MFHAS1: variants seen among roughly 807,000 people sequenced by gnomAD.
MFHAS1 encodes multifunctional ROCO family signaling regulator 1.
In MFHAS1, 50 loss-of-function variants were observed where a neutral mutation model predicts 70.4. The observed-to-expected ratio is 0.71, with a 90% CI of 0.57 to 0.90. The LOEUF (loss-of-function observed/expected upper bound fraction) is 0.90, where lower values mean the gene tolerates loss of function less well. Among genes scored for constraint, MFHAS1 ranks in the 40% least tolerant of loss-of-function variants. The pLI is 0.00. For missense variants in MFHAS1, 1,795 were observed against 1,347.6 expected (o/e 1.33, Z -5.20); for synonymous variants, 952 against 620.0 (o/e 1.54, Z -7.96).
In MFHAS1 at chr8:8,879,759, C is replaced by G. The variant is rs540796472; in HGVS notation, c.2998+10302G>C. On this transcript the variant is annotated intron_variant, in intron 1 of 2. Coordinates refer to ENST00000276282, the MANE Select transcript of MFHAS1 (RefSeq NM_004225.3). Reference sequence around the variant, plus strand: ...AAGATCCCAACACAGCTCCCCAAGCCCAAGATCAGGTATTTTATTTTCCTA... The same window carrying G: ...AAGATCCCAACACAGCTCCCCAAGCGCAAGATCAGGTATTTTATTTTCCTA... Among the ~76,000 whole-genome samples the G allele has an allele frequency of 5.3e-5, 8 of 152,254 alleles. No individual in the cohort carries two copies. The South Asian group carries it at 1.5e-3, about 28-fold the overall frequency.
chr8:8,811,070 T>C (rs981120201), intron 1 of MFHAS1, among the ~76,000 whole-genome samples: 1 of 151,842 alleles, frequency 6.6e-6, no homozygotes, highest in Admixed American at 6.6e-5. Context: ...GGCAGAAACA[T>C]CTCCCACAGC....
At position 8,890,881 on chromosome 8, in the gene MFHAS1, G is replaced by C. The variant is rs138838670; in HGVS notation, c.2178C>G (p.Val726=). The part of the protein sequence containing the change: ...FEDSPALKEH[V]FHNLTRLIDI... ...CGATGAGGCGGGTGAGGTTGTGGAA[G>C]ACGTGCTCCTTGAGAGCCGGACTGT... The change falls in exon 1 of 3, where the codon GTC becomes GTG. Residue 726 remains valine, a synonymous_variant. Transcript: ENST00000276282. 3.7e-6 allele frequency: 6 copies of C among 1,614,166 alleles called. No individual in the cohort carries two copies. The highest frequency in any genetic ancestry group is 3.3e-5 in the Admixed American group (2 of 60,038).
chr8:8,880,209 G>A (rs1400473394), intron 1 of MFHAS1, among the ~76,000 whole-genome samples: 1 of 152,080 alleles, frequency 6.6e-6, no homozygotes, highest in African/African-American at 2.4e-5. Context: ...CTACTCTTAA[G>A]TTACACCTTG....
intron 1 of MFHAS1, among the ~76,000 whole-genome samples, chr8:8,841,735 A>C (rs1205724535): frequency 1.3e-5 from 2 of 152,184 alleles, no homozygotes; most frequent in Non-Finnish European, 2.9e-5. Context: ...CTGCTCCACG[A>C]AGCCTTCCAG....
intron 1 of MFHAS1, among the ~76,000 whole-genome samples, chr8:8,866,641 G>C (rs754031226): frequency 6.6e-6 from 1 of 152,138 alleles, no homozygotes; most frequent in Non-Finnish European, 1.5e-5. Context: ...CTTATCCCTA[G>C]TAAAAAGGAT....
chr8:8,843,138 G>A (rs1420256569), intron 1 of MFHAS1, among the ~76,000 whole-genome samples: 6 of 151,834 alleles, frequency 4.0e-5, no homozygotes, highest in African/African-American at 7.3e-5. Context: ...GCGCGGTGGC[G>A]GGCGCCTGTA....
rs753552074 is a variant in MFHAS1 at position 8,786,052 on chromosome 8, C to G, written c.3129G>C (p.Lys1043Asn). 3 of 1,614,092 alleles carry G rather than the reference C, an allele frequency of 1.9e-6. No individual in the cohort carries two copies. The highest frequency in any genetic ancestry group is 2.2e-5 in the South Asian group (2 of 91,082). ...GGTTTCTGTGCTTTTCACCAACATT[C>G]TTCCTGTATGGGTGGACAACAAGAA... is the stretch of plus-strand genomic sequence containing the variant. ...TPTVISPCSK[K>N]NVGEKHRNQ is the part of the protein sequence containing the mutation. The change falls in exon 3 of 3, where the codon AAG (lysine) becomes AAC (asparagine). Residue 1043 changes from lysine to asparagine, a missense_variant. Lys to Asn is a moderately conservative substitution (Grantham distance 94, BLOSUM62 0). Transcript: ENST00000276282.
chr8:8,845,522 T>A (rs1252410312), intron 1 of MFHAS1, among the ~76,000 whole-genome samples: 1 of 152,170 alleles, frequency 6.6e-6, no homozygotes, highest in Non-Finnish European at 1.5e-5. Flanking sequence ...CACTTATAAT[T>A]TCATTAAATG....
At chr8:8,812,246 T>A (rs546226395) in intron 1 of MFHAS1, among the ~76,000 whole-genome samples, 1 of 152,184 alleles carries the variant, frequency 6.6e-6, no homozygotes, top group South Asian at 2.1e-4. Context: ...AGGGCAGAGA[T>A]ACGAAGAATC....
At chr8:8,810,388 C>T (rs1024535444) in intron 1 of MFHAS1, among the ~76,000 whole-genome samples, 3 of 152,072 alleles carry the variant, frequency 2.0e-5, no homozygotes, top group African/African-American at 4.8e-5. Context: ...GATCAGAAGG[C>T]GTATACAGTC....
chr8:8,864,007 A>G (rs1045650036), intron 1 of MFHAS1, among the ~76,000 whole-genome samples: 2 of 151,816 alleles, frequency 1.3e-5, no homozygotes, highest in African/African-American at 2.4e-5. Context: ...CCTCTTCCTT[A>G]TACCTTCCTA....
intron 1 of MFHAS1, among the ~76,000 whole-genome samples, chr8:8,880,978 C>G (rs1244206873): frequency 6.6e-6 from 1 of 152,190 alleles, no homozygotes; most frequent in East Asian, 1.9e-4. Context: ...GCCATCACGC[C>G]TGACCCATAC....
At position 8,848,835 on chromosome 8, in the gene MFHAS1, G is replaced by C. The variant is rs75084326; in HGVS notation, c.2998+41226C>G. Among the ~76,000 whole-genome samples, 1,041 of 152,286 alleles carry C rather than the reference G, an allele frequency of 6.8e-3. 10 individuals carry two copies. Among genetic ancestry groups the C allele is most frequent in the African/African-American group, 0.024 (998 of 41,546 alleles). ...GCCACAGAACCAATTTAATCAAACA[G>C]TGCGAAGTCGGTTTCCGTTCTCAAA... On this transcript the variant is annotated intron_variant, in intron 1 of 2. Transcript: ENST00000276282.
chr8:8,815,061 C>G (rs1806690938), intron 1 of MFHAS1, among the ~76,000 whole-genome samples: 2 of 152,066 alleles, frequency 1.3e-5, no homozygotes, highest in African/African-American at 4.8e-5. Context: ...GTTTCCCTCC[C>G]TGTGTCCATG....
chr8:8,850,283 T>C (rs934681219), intron 1 of MFHAS1, among the ~76,000 whole-genome samples: 1 of 152,228 alleles, frequency 6.6e-6, no homozygotes, highest in African/African-American at 2.4e-5. Context: ...AAAATGCAAA[T>C]AGCTTAACAT....
At chr8:8,843,412 C>T (rs1336959368) in intron 1 of MFHAS1, among the ~76,000 whole-genome samples, 1 of 152,122 alleles carries the variant, frequency 6.6e-6, no homozygotes, top group Non-Finnish European at 1.5e-5. Flanking sequence ...TTCAAGACCC[C>T]ATCTCTACAA....
intron 1 of MFHAS1, among the ~76,000 whole-genome samples, chr8:8,853,973 A>G (rs1481321168): frequency 6.6e-6 from 1 of 152,214 alleles, no homozygotes; most frequent in Admixed American, 6.5e-5. Flanking sequence ...GCATTCCATA[A>G]AAGACACCAA....
chr8:8,792,562 C>T (rs1191515643), intron 2 of MFHAS1, among the ~76,000 whole-genome samples: 2 of 151,134 alleles, frequency 1.3e-5, no homozygotes, highest in Non-Finnish European at 3.0e-5. Flanking sequence ...GCCAAGATCA[C>T]GCCACTGCAC....
At chr8:8,803,880 G>A (rs953790136) in intron 1 of MFHAS1, among the ~76,000 whole-genome samples, 4 of 151,828 alleles carry the variant, frequency 2.6e-5, no homozygotes, top group Non-Finnish European at 1.5e-5. Context: ...GCTGAGGCAG[G>A]AGAATCACTG....
Sources: gnomAD v4.1 joint callset for allele counts (sites outside exome capture counted in the v4.1 genomes callset) on GRCh38, gnomAD v4.1.1 for gene constraint, MANE v1.5 for transcripts, NCBI Gene and HGNC (gene_info 2026-07-23, HGNC 2026-07-21) for gene names.